The following MCM3AP variants were observed in gnomAD, a reference collection of about 807,000 sequenced individuals.
MCM3AP encodes the protein germinal-center associated nuclear protein.
Under a neutral mutation model 184.1 loss-of-function variants are expected in MCM3AP, and 126 were observed. The observed-to-expected ratio is 0.68, with a 90% CI of 0.59 to 0.79. MCM3AP has a LOEUF of 0.79. Ranked by LOEUF, MCM3AP falls within the 30% of genes least tolerant of loss-of-function variation. The probability of loss-of-function intolerance (pLI) is 0.00; values close to 1 mark genes in which losing one functional copy is unlikely to be tolerated. For synonymous variants in MCM3AP, 1,002 were observed against 979.3 expected (o/e 1.02, Z -0.43); for missense variants, 2,496 against 2,479.2 (o/e 1.01, Z -0.14).
At chr21:46,273,222 A>G (rs1017285252) in intron 7 of MCM3AP, among the ~76,000 whole-genome samples, 166 bp downstream of exon 7, 1 of 152,124 alleles carries the variant, frequency 6.6e-6, no homozygotes, top group Non-Finnish European at 1.5e-5. Flanking sequence ...TGATCCACCC[A>G]CCTCGGCCTC....
chr21:46,281,187 C>G (rs1387663060), intron 2 of MCM3AP, among the ~76,000 whole-genome samples: 2 of 152,180 alleles, frequency 1.3e-5, no homozygotes, highest in South Asian at 2.1e-4. Context: ...TTCTCACCAG[C>G]TGATCACACA....
At chr21:46,269,940 CT>C in intron 9 of MCM3AP, among the ~76,000 whole-genome samples, 1 of 152,310 alleles carries the variant, frequency 6.6e-6, no homozygotes, top group Admixed American at 6.5e-5. Flanking sequence ...AGGGACTGGC[CT>C]TCCCATTGCC....
chr21:46,246,687 G>C lies in MCM3AP; in HGVS notation c.4490C>G (p.Pro1497Arg). The C allele has an allele frequency of 6.2e-7, 1 of 1,614,256 alleles. No individual in the cohort carries two copies. Among genetic ancestry groups the C allele is most frequent in the Non-Finnish European group, 8.5e-7 (1 of 1,180,028 alleles). ...TGGGCTAGGCACAAGAACCACCAGAGGAAGCGCAGGCTGGAAGGGCTTAGC... is the reference window on the plus strand; with the variant it reads ...TGGGCTAGGCACAAGAACCACCAGACGAAGCGCAGGCTGGAAGGGCTTAGC... ...LQAKPFQPAL[P>R]LVVLVPSPGG... The change falls in exon 21 of 28, where the codon CCT becomes CGT. Residue 1497 changes from proline to arginine, a missense_variant. Transcript: ENST00000291688.
chr21:46,251,786 A>T, intron 19 of MCM3AP, 104 bp from the exon 20 acceptor site: 1 of 663,508 alleles, frequency 1.5e-6, no homozygotes, highest in Non-Finnish European at 2.5e-6. Context: ...AAAATATCAC[A>T]CAGACCTAGG....
intron 13 of MCM3AP, among the ~76,000 whole-genome samples, chr21:46,262,784 A>ATG (rs1156364949): frequency 2.7e-5 from 4 of 145,938 alleles, no homozygotes; most frequent in East Asian, 4.3e-4. Flanking sequence ...TGGCTAACAC[A>ATG]GTGAAACCCT....
At position 46,284,168 on chromosome 21, in the gene MCM3AP, G is replaced by A. The variant is rs764544866; in HGVS notation, c.1119C>T (p.Asp373=). The change falls in exon 1 of 28, where the codon GAC becomes GAT. Residue 373 remains aspartate, a synonymous_variant. Transcript: ENST00000291688. The part of the protein sequence containing the change: ...ETGFVESAES[D]HMAIPGGNQS... ...GATTCCCTCCTGGGATAGCCATGTG[G>A]TCACTTTCTGCAGACTCAACAAAGC... The A allele has an allele frequency of 6.2e-7, 1 of 1,614,188 alleles. No homozygotes were observed. Among genetic ancestry groups the A allele is most frequent in the Non-Finnish European group, 8.5e-7 (1 of 1,180,042 alleles).
Position 46,275,282 on chromosome 21 carries a change from A to AAC in MCM3AP, c.1900_1901dup (p.Gly635LeufsTer22). ...CAGGACACATATCCAGGCAGGTGCC[A>AAC]ACAAAAGTCCTCGCTTTGTCCAGAT... On this transcript the variant is annotated frameshift_variant, in exon 6 of 28. Transcript: ENST00000291688. LOFTEE classifies it high-confidence loss of function. 1.9e-6 allele frequency: 3 copies of AAC among 1,614,152 alleles called. No homozygotes were observed. Among genetic ancestry groups the AAC allele is most frequent in the Non-Finnish European group, 2.5e-6 (3 of 1,180,020 alleles).
intron 9 of MCM3AP, chr21:46,268,100 G>C (rs2145684512): frequency 6.6e-6 from 1 of 151,548 alleles, no homozygotes. Flanking sequence ...GGGAGGCTGA[G>C]GCAGGAGAAT....
chr21:46,251,686 C>G lies in MCM3AP; in HGVS notation c.4137-4G>C, dbSNP rs749784296. Reference sequence around the variant, plus strand: ...TTTTAACCAATTTGCTAGAATTCTACAGATTTAAAAAAAACAAAAAACAAA... The same window carrying G: ...TTTTAACCAATTTGCTAGAATTCTAGAGATTTAAAAAAAACAAAAAACAAA... On this transcript the variant is annotated splice_polypyrimidine_tract_variant and splice_region_variant and intron_variant, in intron 19 of 27. Transcript: ENST00000291688. 1.3e-6 allele frequency: 2 copies of G among 1,551,402 alleles called. No individual in the cohort carries two copies. Among genetic ancestry groups the G allele is most frequent in the East Asian group, 4.5e-5 (2 of 43,964 alleles).
In MCM3AP at chr21:46,240,987, T is replaced by G. The variant is rs778959658; in HGVS notation, c.5457A>C (p.Ala1819=). The change falls in exon 26 of 28, where the codon GCA becomes GCC. Residue 1819 remains alanine (A), a synonymous_variant. Coordinates refer to ENST00000291688, the MANE Select transcript of MCM3AP (RefSeq NM_003906.5). ...RLAIKPFHPS[A]NNFPIPLLHM... is the part of the protein sequence containing the mutation. Reference sequence around the variant, plus strand: ...GAAGCAATGGTATGGGAAAATTGTTTGCAGAAGGATGAAAAGGCTTTATTG... The same window carrying G: ...GAAGCAATGGTATGGGAAAATTGTTGGCAGAAGGATGAAAAGGCTTTATTG... 6.2e-7 allele frequency: 1 copy of G among 1,613,866 alleles called. No homozygotes were observed. The highest frequency in any genetic ancestry group is 2.2e-5 in the East Asian group (1 of 44,902).
chr21:46,281,992 C>T (rs937012598), intron 2 of MCM3AP, among the ~76,000 whole-genome samples: 7 of 151,894 alleles, frequency 4.6e-5, no homozygotes, highest in Non-Finnish European at 1.0e-4. Context: ...AGCAAGGCCC[C>T]GTCTCAAAAA....
chr21:46,241,061 T>C (rs893403943), intron 25 of MCM3AP, 44 bp from the exon 26 acceptor site: 2 of 1,376,428 alleles, frequency 1.5e-6, no homozygotes, highest in Admixed American at 1.7e-5. Flanking sequence ...AGAGAAAATA[T>C]TTCTACAGCA....
At chr21:46,248,492 A>T (rs1368764557) in intron 20 of MCM3AP, among the ~76,000 whole-genome samples, 1 of 151,626 alleles carries the variant, frequency 6.6e-6, no homozygotes, top group African/African-American at 2.4e-5. Flanking sequence ...CATCCACCCC[A>T]CCCCAAACAC....
intron 8 of MCM3AP, 107 bp downstream of exon 8, chr21:46,272,454 A>C: frequency 8.5e-7 from 1 of 1,171,592 alleles, no homozygotes; most frequent in South Asian, 1.5e-5. Flanking sequence ...ATCTGCTACC[A>C]GACAGAATGC....
chr21:46,281,141 T>G (rs1211722973), intron 2 of MCM3AP, among the ~76,000 whole-genome samples: 1 of 152,148 alleles, frequency 6.6e-6, no homozygotes, highest in Non-Finnish European at 1.5e-5. Flanking sequence ...TTCATAGAAC[T>G]CACAAACTTG....
In MCM3AP at chr21:46,265,444, C is replaced by T. The variant is rs140919687; in HGVS notation, c.3111G>A (p.Ala1037=). 3.3e-4 allele frequency: 540 copies of T among 1,613,996 alleles called. No homozygotes were observed. The highest frequency in any genetic ancestry group is 2.8e-4 in the Non-Finnish European group (331 of 1,179,936). ...CAGGAGGCAGAGGCACTGGTGAGGG[C>T]GCAGGGGCTGGTAGAGACTGTGGGA... ...SSLPQSLPAP[A]PSPVPLPPVL... Residue 1037 remains alanine, a synonymous_variant, in exon 12 of 28, where the codon GCG becomes GCA. Coordinates refer to ENST00000291688, the MANE Select transcript of MCM3AP (RefSeq NM_003906.5).
In MCM3AP at chr21:46,249,889, C is replaced by T. The variant is rs571036132; in HGVS notation, c.4290+1640G>A. ...GATAATAAGTAACAGTACCCATACA[C>T]AGGTGGCAGAGACGCTAGGGAACTT... On this transcript the variant is annotated intron_variant, in intron 20 of 27. Coordinates refer to ENST00000291688, the MANE Select transcript of MCM3AP (RefSeq NM_003906.5). 37 of 189,572 alleles carry T rather than the reference C, an allele frequency of 2.0e-4. 2 individuals carry two copies. The highest frequency in any genetic ancestry group is 1.7e-3 in the South Asian group (19 of 11,134). The allele number at this position is 189,572 out of a possible 1,614,324, so 11.7% of individuals were successfully genotyped here. A position where few individuals can be genotyped will look rare whatever the true frequency, so the allele number is the denominator to read the frequency against.
Position 46,277,639 on chromosome 21 carries a change from G to A in MCM3AP, c.1746C>T (p.Ser582=), listed in dbSNP as rs2081272407. The A allele has an allele frequency of 1.2e-6, 2 of 1,611,528 alleles. No homozygotes were observed. The highest frequency in any genetic ancestry group is 2.2e-5 in the East Asian group (1 of 44,626). The change falls in exon 5 of 28, where the codon TCC becomes TCT. Residue 582 remains serine (S), a synonymous_variant. Transcript: ENST00000291688. The part of the protein sequence containing the change: ...GDSFDSASEG[S]EGLGPCVLSL... ...AGAGCACACATGGCCCGAGGCCCTC[G>A]GAGCCCTCGGAGGCTGAGTCAAAAG...
rs17183382 is a variant in MCM3AP, at chr21:46,236,740, T to C, written c.5784+89A>G. 7.0e-3 allele frequency: 6,236 copies of C among 892,308 alleles called. 262 individuals are homozygous for C. The South Asian group carries it at 0.079, about 11-fold the overall frequency. 55.3% of individuals were successfully genotyped at this position (892,308 alleles called of 1,614,324 possible). On this transcript the variant is annotated intron_variant, in intron 27 of 27. Transcript: ENST00000291688. ...TAATTTGTCGGTCATCAAAACATCA[T>C]AGGATAAATCGTGATATTACTTTTT...
Sources: allele counts gnomAD v4.1 joint callset (sites outside exome capture counted in the v4.1 genomes callset), GRCh38; gene constraint gnomAD v4.1.1; transcripts MANE v1.5; gene names NCBI Gene and HGNC (gene_info 2026-07-23, HGNC 2026-07-21).